RABGAP1L: variants seen among roughly 807,000 people sequenced by gnomAD.
The protein encoded by RABGAP1L is RAB GTPase activating protein 1 like, also known as rab GTPase-activating protein 1-like.
Under a neutral mutation model 137.7 loss-of-function variants are expected in RABGAP1L, and 63 were observed. That is an observed-to-expected ratio of 0.46 (90% CI 0.37 to 0.56). RABGAP1L has a LOEUF of 0.56. Among genes scored for constraint, RABGAP1L ranks in the 20% least tolerant of loss-of-function variants. The pLI is 0.00. For missense variants in RABGAP1L, 1,095 were observed against 1,244.0 expected, an observed-to-expected ratio of 0.88 and a Z score of 1.80; for synonymous variants, 431 against 433.7, an observed-to-expected ratio of 0.99 and a Z score of 0.08.
At chr1:174,777,173 A>G (rs1286379662) in intron 18 of RABGAP1L, among the ~76,000 whole-genome samples, 2 of 152,240 alleles carry the variant, frequency 1.3e-5, no homozygotes, top group African/African-American at 4.8e-5. Context: ...CCCAAAATAT[A>G]ATACCTTAAA....
At chr1:174,174,636 C>T (rs6673147) in intron 1 of RABGAP1L, among the ~76,000 whole-genome samples, 9,525 of 152,144 alleles carry the variant, frequency 0.063, 970 homozygotes, top group African/African-American at 0.21. Context: ...ACTCTCAATT[C>T]GAGGCTGAAG....
intron 17 of RABGAP1L, among the ~76,000 whole-genome samples, chr1:174,741,644 G>T (rs74409209): frequency 6.6e-6 from 1 of 152,076 alleles, no homozygotes; most frequent in South Asian, 2.1e-4. Context: ...TTACAGGTGT[G>T]AGCCACTGTA....
At chr1:174,457,094 G>C (rs1009896504) in intron 13 of RABGAP1L, among the ~76,000 whole-genome samples, 1 of 152,180 alleles carries the variant, frequency 6.6e-6, no homozygotes. Flanking sequence ...TTGCAGAAAA[G>C]TCATAGGAAC....
In RABGAP1L at chr1:174,754,472, G is replaced by GT. The variant is rs1018347016; in HGVS notation, c.2211+2127dup. On this transcript the variant is annotated intron_variant, in intron 18 of 25. Coordinates refer to ENST00000681986, the MANE Select transcript of RABGAP1L (RefSeq NM_001366446.1). ...ACTTTGGAGAAGTTCAAATTGCTGG[G>GT]TTTTTTTTTCTTTTGTTTTGTTTTG... Among the ~76,000 whole-genome samples the GT allele has an allele frequency of 2.9e-4, 44 of 151,122 alleles. 1 individual carries two copies. In the East Asian group the frequency reaches 3.9e-3, roughly 13 times the overall value.
At chr1:174,483,193 G>A (rs1659288815) in intron 13 of RABGAP1L, among the ~76,000 whole-genome samples, 1 of 151,832 alleles carries the variant, frequency 6.6e-6, no homozygotes. Flanking sequence ...TTTTACTATA[G>A]TTACCCTGTT....
chr1:174,544,915 C>G, intron 13 of RABGAP1L: 1 of 196,418 alleles, frequency 5.1e-6, no homozygotes, highest in South Asian at 7.6e-5. Context: ...AGCTGCAGAA[C>G]AGCAAATATT....
At chr1:174,261,220 A>G (rs1262024382) in intron 7 of RABGAP1L, among the ~76,000 whole-genome samples, 3 of 152,172 alleles carry the variant, frequency 2.0e-5, no homozygotes, top group Non-Finnish European at 2.9e-5. Context: ...AGTGAGTAAC[A>G]TGGGCCAACA....
At position 174,196,036 on chromosome 1, in the gene RABGAP1L, C is replaced by T. The variant is rs139096909; in HGVS notation, c.-33-23089C>T. Among the ~76,000 whole-genome samples, 176 of 151,100 alleles carry T rather than the reference C, an allele frequency of 1.2e-3. 1 individual carries two copies. The highest frequency in any genetic ancestry group is 4.1e-3 in the African/African-American group (171 of 41,232). On this transcript the variant is annotated intron_variant, in intron 1 of 25. Transcript: ENST00000681986. ...ATTTTTAGCAGAGACAGGGTTTCAC[C>T]GTTTTAGCCAGGATGGTCTGGGTCT...
intron 13 of RABGAP1L, among the ~76,000 whole-genome samples, chr1:174,499,116 G>A (rs1217868313): frequency 6.6e-6 from 1 of 151,704 alleles, no homozygotes; most frequent in African/African-American, 2.4e-5. Context: ...TTAAAAATGA[G>A]TTTCTTTATG....
At chr1:174,857,761 G>A (rs1313013667) in intron 19 of RABGAP1L, among the ~76,000 whole-genome samples, 1 of 152,114 alleles carries the variant, frequency 6.6e-6, no homozygotes, top group East Asian at 1.9e-4. Flanking sequence ...TAACTGATTT[G>A]TGATTTCCTA....
At chr1:174,812,729 C>T (rs1018385270) in intron 19 of RABGAP1L, among the ~76,000 whole-genome samples, 1 of 151,652 alleles carries the variant, frequency 6.6e-6, no homozygotes, top group Non-Finnish European at 1.5e-5. Flanking sequence ...TGATAAATAG[C>T]TGTGAAAAAA....
intron 19 of RABGAP1L, among the ~76,000 whole-genome samples, chr1:174,936,431 T>C (rs1664805758): frequency 6.6e-6 from 1 of 152,022 alleles, no homozygotes; most frequent in Non-Finnish European, 1.5e-5. Context: ...GGCGAAACCC[T>C]GTCTCCACAA....
chr1:174,713,416 A>C (rs1296335424), intron 17 of RABGAP1L, among the ~76,000 whole-genome samples: 2 of 152,138 alleles, frequency 1.3e-5, no homozygotes, highest in African/African-American at 4.8e-5. Context: ...CCATTGCTGG[A>C]GGTGAGGCCT....
At chr1:174,244,311 G>C (rs1324874016) in intron 5 of RABGAP1L, 1 of 152,228 alleles carries the variant, frequency 6.6e-6, no homozygotes, top group Non-Finnish European at 1.5e-5. Context: ...TCGTGGATGA[G>C]AGCTGAAGAG....
intron 11 of RABGAP1L, among the ~76,000 whole-genome samples, chr1:174,315,015 A>G (rs757039575): frequency 1.3e-5 from 2 of 152,202 alleles, no homozygotes; most frequent in Admixed American, 6.5e-5. Context: ...CATTAGGTCT[A>G]TGATGCAGAT....
chr1:174,560,811 G>A (rs764786990), intron 13 of RABGAP1L, among the ~76,000 whole-genome samples: 5 of 152,146 alleles, frequency 3.3e-5, no homozygotes, highest in Non-Finnish European at 7.3e-5. Context: ...GTGAGAACAT[G>A]TGGTATTTGG....
At chr1:174,552,270 A>T (rs1305800598) in intron 13 of RABGAP1L, among the ~76,000 whole-genome samples, 2 of 152,076 alleles carry the variant, frequency 1.3e-5, no homozygotes, top group African/African-American at 4.8e-5. Context: ...TCACCCAGGT[A>T]TTAAGCCTAG....
chr1:174,415,175 C>G (rs192439924), intron 13 of RABGAP1L, among the ~76,000 whole-genome samples: 6 of 152,100 alleles, frequency 3.9e-5, no homozygotes, highest in Non-Finnish European at 1.5e-5. Flanking sequence ...TCAATTAATT[C>G]AATATGTTGC....
At chr1:174,629,400 T>C (rs1673153927) in intron 13 of RABGAP1L, among the ~76,000 whole-genome samples, 1 of 152,210 alleles carries the variant, frequency 6.6e-6, no homozygotes, top group Non-Finnish European at 1.5e-5. Flanking sequence ...TGTAGCAAAA[T>C]ACCTTATTTA....
Sources: gnomAD v4.1 joint callset for allele counts (sites outside exome capture counted in the v4.1 genomes callset) on GRCh38, gnomAD v4.1.1 for gene constraint, MANE v1.5 for transcripts, NCBI Gene and HGNC (gene_info 2026-07-23, HGNC 2026-07-21) for gene names.